The following SGCD variants were observed in gnomAD, a reference collection of about 807,000 sequenced individuals.
SGCD encodes the protein delta-sarcoglycan.
Under a neutral mutation model 36.6 loss-of-function variants are expected in SGCD, and 18 were observed. The ratio of observed to expected loss-of-function variants is 0.49; its 90% CI spans 0.34 to 0.73. The LOEUF (loss-of-function observed/expected upper bound fraction) is 0.73. Among genes scored for constraint, SGCD ranks in the 30% least tolerant of loss-of-function variants. The probability of loss-of-function intolerance (pLI) is 0.01; values close to 1 mark genes in which losing one functional copy is unlikely to be tolerated. For missense variants in SGCD, 387 were observed against 346.7 expected (o/e 1.12, Z -0.92); for synonymous variants, 133 against 130.6 (o/e 1.02, Z -0.12).
intron 3 of SGCD, among the ~76,000 whole-genome samples, chr5:156,422,648 G>T (rs577829591): frequency 6.6e-6 from 1 of 151,936 alleles, no homozygotes; most frequent in African/African-American, 2.4e-5. Flanking sequence ...ATAAAGCAGG[G>T]TTTCTCAACA....
At chr5:156,139,672 A>G (rs938057620) in intron 3 of SGCD, among the ~76,000 whole-genome samples, 2 of 152,132 alleles carry the variant, frequency 1.3e-5, no homozygotes, top group African/African-American at 2.4e-5. Context: ...TTATTCCTCT[A>G]TGTCCTAACC....
At chr5:155,744,996 G>A in the SGCD span, among the ~76,000 whole-genome samples, 1,652 of 152,302 alleles carry the variant, frequency 0.011, 37 homozygotes, top group African/African-American at 0.038. Context: ...AGCAAAGACA[G>A]ATCCACCTGC....
intron 1 of SGCD, among the ~76,000 whole-genome samples, chr5:156,091,327 C>A (rs1040449068): frequency 1.3e-5 from 2 of 152,174 alleles, no homozygotes; most frequent in Non-Finnish European, 2.9e-5. Flanking sequence ...TTCAGGGACC[C>A]TGCCTTCCCA....
intron 3 of SGCD, among the ~76,000 whole-genome samples, chr5:156,419,843 T>C (rs1179017267): frequency 1.3e-5 from 2 of 152,274 alleles, no homozygotes; most frequent in Middle Eastern, 3.4e-3. Flanking sequence ...GCATAAGTGA[T>C]AGTTGCCAAG....
intron 3 of SGCD, among the ~76,000 whole-genome samples, chr5:156,205,257 G>A (rs534867753): frequency 3.3e-5 from 5 of 152,050 alleles, no homozygotes; most frequent in African/African-American, 1.2e-4. Context: ...TGCTTTTATG[G>A]GTAGGCTGGT....
chr5:156,176,760 C>T (rs1020111479), intron 3 of SGCD, among the ~76,000 whole-genome samples: 3 of 151,986 alleles, frequency 2.0e-5, no homozygotes, highest in Non-Finnish European at 2.9e-5. Context: ...TGGTAAATTG[C>T]GATTTTGTTT....
chr5:156,003,536 G>A (rs2127568613), intron 1 of SGCD, among the ~76,000 whole-genome samples: 1 of 152,272 alleles, frequency 6.6e-6, no homozygotes, highest in South Asian at 2.1e-4. Context: ...GTCACCAGTG[G>A]CAATGGAAAC....
rs931800087 is a variant in SGCD, at chr5:156,061,381, T to C, written c.-281-56497T>C. Among the ~76,000 whole-genome samples the C allele has an allele frequency of 5.5e-5, 8 of 146,122 alleles. 1 individual carries two copies. Among genetic ancestry groups the C allele is most frequent in the African/African-American group, 2.0e-4 (8 of 40,646 alleles). ...AATTTCTGTTAGGTCTCATGTCTAATTCCTATAGGCTCCCTTCATGGTTTC... is the reference window on the plus strand; with the variant it reads ...AATTTCTGTTAGGTCTCATGTCTAACTCCTATAGGCTCCCTTCATGGTTTC... On this transcript the variant is annotated intron_variant, in intron 1 of 9. Coordinates refer to the SGCD transcript ENST00000517913.
At chr5:156,277,060 A>G (rs1561596699) in intron 3 of SGCD, among the ~76,000 whole-genome samples, 2 of 152,166 alleles carry the variant, frequency 1.3e-5, no homozygotes, top group Non-Finnish European at 2.9e-5. Context: ...GGTTATTTGG[A>G]CTATGAAATG....
chr5:155,926,030 T>C (rs1022927037), intron 1 of SGCD, among the ~76,000 whole-genome samples: 4 of 152,106 alleles, frequency 2.6e-5, no homozygotes, highest in Non-Finnish European at 5.9e-5. Context: ...CCCAAAGTAC[T>C]GACATTATAA....
At chr5:156,554,528 ATG>A (rs144623770) in intron 4 of SGCD, among the ~76,000 whole-genome samples, 4,622 of 150,934 alleles carry the variant, frequency 0.031, 245 homozygotes, top group African/African-American at 0.11. Flanking sequence ...TTGTGTATAT[ATG>A]TGTGTGTGTT....
At chr5:156,297,152 G>A (rs1031728299) in intron 3 of SGCD, among the ~76,000 whole-genome samples, 1 of 151,944 alleles carries the variant, frequency 6.6e-6, no homozygotes, top group Non-Finnish European at 1.5e-5. Context: ...CATGTTACAA[G>A]CATTCCACTG....
chr5:156,482,008 C>G (rs566697610), intron 3 of SGCD, among the ~76,000 whole-genome samples: 2 of 152,278 alleles, frequency 1.3e-5, no homozygotes, highest in South Asian at 2.1e-4. Context: ...TGGTCCCAGT[C>G]CCCTCAAACA....
intron 3 of SGCD, among the ~76,000 whole-genome samples, chr5:156,308,298 T>C (rs1373597401): frequency 1.1e-5 from 1 of 93,414 alleles, no homozygotes; most frequent in Non-Finnish European, 1.9e-5. Flanking sequence ...GGAAGTGCCA[T>C]ACTTTTTTTT....
intron 1 of SGCD, among the ~76,000 whole-genome samples, chr5:156,049,875 T>G (rs1191398909): frequency 6.8e-6 from 1 of 146,224 alleles, no homozygotes; most frequent in Non-Finnish European, 1.5e-5. Context: ...GCCAGAGAAC[T>G]GGAATTAGAA....
the SGCD span, chr5:155,845,417 A>G: frequency 6.6e-6 from 1 of 152,204 alleles, no homozygotes. Flanking sequence ...TAAGGCCCAC[A>G]ACTGGTTTTA....
chr5:156,390,884 TAA>T lies in SGCD; in HGVS notation c.192+46210_192+46211del, dbSNP rs796734248. On this transcript the variant is annotated intron_variant, in intron 3 of 8. Transcript: ENST00000337851. Reference sequence around the variant, plus strand: ...AAAAGAGTCAAAATGCTTACAAAAATAAAAGTTTATAAAGTAAAAGTTACAGT... The same window carrying T: ...AAAAGAGTCAAAATGCTTACAAAAATAAGTTTATAAAGTAAAAGTTACAGT... Among the ~76,000 whole-genome samples, 45 of 152,290 alleles carry T rather than the reference TAA, an allele frequency of 3.0e-4. No homozygotes were observed. The East Asian group carries it at 6.9e-3, about 23-fold the overall frequency.
intron 4 of SGCD, among the ~76,000 whole-genome samples, chr5:156,519,118 CAGAT>C (rs974835371): frequency 1.1e-4 from 16 of 151,774 alleles, no homozygotes; most frequent in Non-Finnish European, 2.1e-4. Flanking sequence ...AGAGAAGAAT[CAGAT>C]AGACACAATA....
chr5:156,451,439 A>T (rs184229038), intron 3 of SGCD, among the ~76,000 whole-genome samples: 33 of 152,250 alleles, frequency 2.2e-4, no homozygotes, highest in Admixed American at 2.0e-3. Context: ...AGGAATTTTT[A>T]AAGAAGTGTT....
Sources: gnomAD v4.1 joint callset for allele counts (sites outside exome capture counted in the v4.1 genomes callset) on GRCh38, gnomAD v4.1.1 for gene constraint, MANE v1.5 for transcripts, NCBI Gene and HGNC (gene_info 2026-07-23, HGNC 2026-07-21) for gene names.